Variants in TLE1 observed in about 807,000 individuals in gnomAD.
TLE1 encodes the protein transducin-like enhancer protein 1.
TLE1 carries 21 observed loss-of-function variants against 89.8 expected under a neutral mutation model. That is an observed-to-expected ratio of 0.23 (90% CI 0.17 to 0.34). The LOEUF is 0.34. Among genes scored for constraint, TLE1 ranks in the 10% least tolerant of loss-of-function variants. TLE1 has a pLI of 1.00. For missense variants in TLE1, 795 were observed against 1,031.2 expected, an observed-to-expected ratio of 0.77 and a Z score of 3.14; for synonymous variants, 447 against 407.6, an observed-to-expected ratio of 1.10 and a Z score of -1.16.
At chr9:81,660,580 A>AC (rs1475497276) in intron 4 of TLE1, among the ~76,000 whole-genome samples, 2 of 149,120 alleles carry the variant, frequency 1.3e-5, no homozygotes, top group African/African-American at 4.9e-5. Context: ...CACCCGGCTA[A>AC]TTTTTTTTTG....
chr9:81,681,149 C>T (rs372886380), intron 4 of TLE1, among the ~76,000 whole-genome samples: 2 of 152,102 alleles, frequency 1.3e-5, no homozygotes, highest in East Asian at 3.9e-4. Context: ...TGAGATGTTG[C>T]TTGCTGAAAT....
At chr9:81,629,369 T>C (rs1826292289) in intron 8 of TLE1, among the ~76,000 whole-genome samples, 1 of 152,200 alleles carries the variant, frequency 6.6e-6, no homozygotes, top group South Asian at 2.1e-4. Flanking sequence ...ATGGCCTTTC[T>C]TAGGTCATTT....
intron 11 of TLE1, among the ~76,000 whole-genome samples, chr9:81,614,749 G>C (rs909661411): frequency 6.6e-6 from 1 of 152,082 alleles, no homozygotes; most frequent in African/African-American, 2.4e-5. Context: ...GGGTTCTGAT[G>C]CACCAGTTCC....
At chr9:81,658,536 G>C (rs773263952) in intron 4 of TLE1, among the ~76,000 whole-genome samples, 2 of 152,156 alleles carry the variant, frequency 1.3e-5, no homozygotes, top group African/African-American at 2.4e-5. Flanking sequence ...TGACAAGCCA[G>C]CTTGACTTTT....
At chr9:81,591,518 C>T (rs891421332) in intron 15 of TLE1, among the ~76,000 whole-genome samples, 6 of 152,154 alleles carry the variant, frequency 3.9e-5, no homozygotes, top group African/African-American at 1.4e-4. Context: ...TGTCATGTGG[C>T]TGCTGTTACA....
intron 6 of TLE1, among the ~76,000 whole-genome samples, chr9:81,643,790 C>T (rs1166490140): frequency 1.3e-5 from 2 of 152,174 alleles, no homozygotes; most frequent in African/African-American, 4.8e-5. Context: ...CCTGCCTTGG[C>T]CTCCCAAACT....
chr9:81,638,498 A>C (rs1250377316), intron 6 of TLE1, among the ~76,000 whole-genome samples: 2 of 152,240 alleles, frequency 1.3e-5, no homozygotes, highest in African/African-American at 4.8e-5. Context: ...TACCTGAGAC[A>C]ATCTTGTACT....
At chr9:81,607,375 A>G (rs1438671923) in intron 14 of TLE1, among the ~76,000 whole-genome samples, 1 of 152,036 alleles carries the variant, frequency 6.6e-6, no homozygotes, top group Non-Finnish European at 1.5e-5. Flanking sequence ...ATAGGGTCCA[A>G]TTTAACTGTG....
intron 6 of TLE1, among the ~76,000 whole-genome samples, chr9:81,639,147 A>T (rs2132435365): frequency 1.3e-5 from 2 of 151,772 alleles, no homozygotes; most frequent in Middle Eastern, 6.9e-3. Context: ...GCTGGTCTGG[A>T]ACTCCTGTTT....
At chr9:81,635,324 G>A (rs1158321988) in intron 6 of TLE1, among the ~76,000 whole-genome samples, 1 of 152,124 alleles carries the variant, frequency 6.6e-6, no homozygotes, top group Non-Finnish European at 1.5e-5. Flanking sequence ...TTATGTGTGG[G>A]ACTCCAGCCA....
intron 4 of TLE1, among the ~76,000 whole-genome samples, chr9:81,659,744 G>C (rs576498076): frequency 6.2e-4 from 95 of 152,196 alleles, no homozygotes; most frequent in Non-Finnish European, 1.2e-3. Flanking sequence ...ACTGCTAGGG[G>C]TTCTATGTTA....
At chr9:81,622,855 A>G (rs1280007772) in intron 8 of TLE1, among the ~76,000 whole-genome samples, 1 of 152,140 alleles carries the variant, frequency 6.6e-6, no homozygotes, top group Non-Finnish European at 1.5e-5. Flanking sequence ...AAAGGCCCAG[A>G]AACACCACAC....
chr9:81,599,795 T>C (rs1433034005), intron 14 of TLE1: 1 of 304,174 alleles, frequency 3.3e-6, no homozygotes, highest in African/African-American at 2.1e-5. Context: ...AGCATTTCTG[T>C]GTTAACGGAG....
intron 6 of TLE1, among the ~76,000 whole-genome samples, chr9:81,638,509 T>C (rs1827692940): frequency 6.6e-6 from 1 of 152,188 alleles, no homozygotes; most frequent in East Asian, 1.9e-4. Flanking sequence ...ATCTTGTACT[T>C]ATCACCTTCA....
chr9:81,679,667 T>A (rs1414975765), intron 4 of TLE1, among the ~76,000 whole-genome samples: 1 of 152,132 alleles, frequency 6.6e-6, no homozygotes, highest in African/African-American at 2.4e-5. Context: ...AACAGCTGTC[T>A]AAAATTTACT....
intron 11 of TLE1, among the ~76,000 whole-genome samples, chr9:81,615,189 C>T (rs183278967): frequency 3.5e-5 from 5 of 142,228 alleles, no homozygotes; most frequent in Admixed American, 2.9e-4. Context: ...TGGTACCAGG[C>T]GTGGTGGTGA....
Position 81,616,651 on chromosome 9 carries a change from T to C in TLE1, c.760A>G (p.Asn254Asp). 1 of 1,614,076 alleles carries C rather than the reference T, an allele frequency of 6.2e-7. No individual in the cohort carries two copies. Among genetic ancestry groups the C allele is most frequent in the Non-Finnish European group, 8.5e-7 (1 of 1,179,990 alleles). ...SDDNLVVDVS[N>D]EDPSSPRASP... is the part of the protein sequence containing the mutation. ...TTGATGAAAAGAATGGTTACCTCAT[T>C]AGACACATCCACAACTAAGTTGTCA... is the stretch of plus-strand genomic sequence containing the variant. Residue 254 changes from asparagine (N) to aspartate (D), a missense_variant, in exon 10 of 20, where the codon AAT becomes GAT. By Grantham distance (23) the Asn-to-Asp change is conservative. Transcript: ENST00000376499.
intron 4 of TLE1, among the ~76,000 whole-genome samples, chr9:81,656,163 A>G (rs1830128543): frequency 6.6e-6 from 1 of 152,206 alleles, no homozygotes; most frequent in Non-Finnish European, 1.5e-5. Context: ...CAGCTGTACC[A>G]GGTACAAAAA....
At chr9:81,655,623 CCTTA>C (rs1365044766) in intron 4 of TLE1, among the ~76,000 whole-genome samples, 6 of 152,020 alleles carry the variant, frequency 3.9e-5, no homozygotes, top group Admixed American at 2.0e-4. Context: ...CCATCCTTGA[CCTTA>C]CTTATTTCAT....
Sources: gnomAD v4.1 joint callset for allele counts (sites outside exome capture counted in the v4.1 genomes callset) on GRCh38, gnomAD v4.1.1 for gene constraint, MANE v1.5 for transcripts, NCBI Gene and HGNC (gene_info 2026-07-23, HGNC 2026-07-21) for gene names.